TRAPPC9: variants seen among roughly 807,000 people sequenced by gnomAD.
TRAPPC9 encodes trafficking protein particle complex subunit 9, also known as IKK2 binding protein.
Under a neutral mutation model 124.0 loss-of-function variants are expected in TRAPPC9, and 83 were observed. That is an observed-to-expected ratio of 0.67 (90% CI 0.56 to 0.80). TRAPPC9 has a LOEUF of 0.80. Among genes scored for constraint, TRAPPC9 ranks in the 30% least tolerant of loss-of-function variants. TRAPPC9 has a pLI of 0.00. For synonymous variants in TRAPPC9, 638 were observed against 617.5 expected (o/e 1.03, Z -0.49); for missense variants, 1,302 against 1,508.3 (o/e 0.86, Z 2.27).
chr8:139,918,443 C>G (rs1353236028), intron 19 of TRAPPC9, among the ~76,000 whole-genome samples: 1 of 152,252 alleles, frequency 6.6e-6, no homozygotes, highest in African/African-American at 2.4e-5. Flanking sequence ...TATATCACTA[C>G]CCTCAGGTCA....
At chr8:139,854,836 G>A (rs1827702466) in intron 21 of TRAPPC9, among the ~76,000 whole-genome samples, 2 of 152,142 alleles carry the variant, frequency 1.3e-5, no homozygotes, top group Non-Finnish European at 2.9e-5. Context: ...AACAGGCACT[G>A]AGGCCAGCGC....
chr8:139,810,654 C>T (rs562778907), intron 21 of TRAPPC9, among the ~76,000 whole-genome samples: 1 of 152,262 alleles, frequency 6.6e-6, no homozygotes, highest in East Asian at 1.9e-4. Flanking sequence ...AGGACTTGGG[C>T]CAGGAAGCCT....
chr8:140,236,611 A>G (rs2131403456), intron 16 of TRAPPC9, among the ~76,000 whole-genome samples: 1 of 152,332 alleles, frequency 6.6e-6, no homozygotes, highest in South Asian at 2.1e-4. Context: ...ACTGTATGTA[A>G]GTTACACTTC....
chr8:139,750,621 G>T (rs1320274230), intron 21 of TRAPPC9, among the ~76,000 whole-genome samples: 1 of 152,178 alleles, frequency 6.6e-6, no homozygotes, highest in Non-Finnish European at 1.5e-5. Flanking sequence ...GCTGGCTTGT[G>T]GCCCCTGCTC....
intron 21 of TRAPPC9, among the ~76,000 whole-genome samples, chr8:139,779,202 A>G (rs867243428): frequency 6.6e-6 from 1 of 152,130 alleles, no homozygotes; most frequent in Non-Finnish European, 1.5e-5. Context: ...CAACATCTTT[A>G]AGTGCGGGGT....
At chr8:139,996,414 T>C (rs1838000917) in intron 18 of TRAPPC9, among the ~76,000 whole-genome samples, 1 of 150,018 alleles carries the variant, frequency 6.7e-6, no homozygotes, top group Admixed American at 6.6e-5. Context: ...GGGTTGGGGG[T>C]GGTGGGGGAA....
At chr8:140,253,463 A>G (rs1186809482) in intron 15 of TRAPPC9, among the ~76,000 whole-genome samples, 1 of 152,172 alleles carries the variant, frequency 6.6e-6, no homozygotes, top group African/African-American at 2.4e-5. Flanking sequence ...GAATCACTTG[A>G]GATCAGGAGT....
chr8:139,985,305 T>G (rs1193543830), intron 19 of TRAPPC9, among the ~76,000 whole-genome samples: 1 of 152,178 alleles, frequency 6.6e-6, no homozygotes, highest in Admixed American at 6.5e-5. Flanking sequence ...TTTATACTAG[T>G]GTCATAAGAC....
At chr8:139,904,542 G>A (rs760745163) in intron 20 of TRAPPC9, 3 of 152,276 alleles carry the variant, frequency 2.0e-5, no homozygotes, top group Non-Finnish European at 2.9e-5. Context: ...CCTTGCAGAT[G>A]TGATCTCAGT....
At chr8:139,756,641 A>C (rs2130296383) in intron 21 of TRAPPC9, among the ~76,000 whole-genome samples, 1 of 142,770 alleles carries the variant, frequency 7.0e-6, no homozygotes, top group African/African-American at 2.7e-5. Context: ...GGATGAGGAC[A>C]GCAGGTCGCA....
chr8:140,202,086 C>T (rs1215957498), intron 17 of TRAPPC9, among the ~76,000 whole-genome samples: 1 of 151,816 alleles, frequency 6.6e-6, no homozygotes, highest in African/African-American at 2.4e-5. Context: ...CTGCTCTAAG[C>T]CTCAGTTTCC....
intron 17 of TRAPPC9, among the ~76,000 whole-genome samples, chr8:140,150,525 A>T (rs563073305): frequency 6.6e-6 from 1 of 152,344 alleles, no homozygotes; most frequent in Non-Finnish European, 1.5e-5. Context: ...TAGATGAGGA[A>T]ACTGAAGCCC....
At chr8:140,199,339 A>C (rs1354831759) in intron 17 of TRAPPC9, among the ~76,000 whole-genome samples, 1 of 152,162 alleles carries the variant, frequency 6.6e-6, no homozygotes, top group Non-Finnish European at 1.5e-5. Flanking sequence ...ATCTGGATAC[A>C]TGTAAAGACA....
chr8:140,051,739 T>C (rs1410543298), intron 17 of TRAPPC9, among the ~76,000 whole-genome samples: 1 of 152,036 alleles, frequency 6.6e-6, no homozygotes, highest in Non-Finnish European at 1.5e-5. Context: ...GGACGGCTGC[T>C]CCCCCACGTA....
intron 17 of TRAPPC9, chr8:140,041,036 G>A (rs1184573951): frequency 6.6e-6 from 1 of 152,186 alleles, no homozygotes; most frequent in Non-Finnish European, 1.5e-5. Flanking sequence ...ATCCAGGTAT[G>A]AATGGTGGAC....
chr8:140,407,739 A>C (rs1464410442), intron 5 of TRAPPC9, among the ~76,000 whole-genome samples: 1 of 152,148 alleles, frequency 6.6e-6, no homozygotes, highest in Non-Finnish European at 1.5e-5. Flanking sequence ...CTCCTGCCTC[A>C]GCCTCCCAAG....
chr8:139,849,856 C>G (rs1827333741), intron 21 of TRAPPC9, among the ~76,000 whole-genome samples: 1 of 152,236 alleles, frequency 6.6e-6, no homozygotes, highest in Non-Finnish European at 1.5e-5. Context: ...GCCAGCATAC[C>G]TCACTTCGCC....
intron 19 of TRAPPC9, among the ~76,000 whole-genome samples, chr8:139,912,248 T>C (rs962138118): frequency 6.6e-6 from 1 of 152,250 alleles, no homozygotes; most frequent in African/African-American, 2.4e-5. Flanking sequence ...ATGTATCATA[T>C]ACACAAAGAA....
intron 17 of TRAPPC9, among the ~76,000 whole-genome samples, chr8:140,122,110 G>C (rs894976840): frequency 2.6e-5 from 4 of 151,376 alleles, no homozygotes; most frequent in African/African-American, 9.7e-5. Flanking sequence ...CAGTCATGCT[G>C]GGAAACTTCA....
Sources: allele counts gnomAD v4.1 joint callset (sites outside exome capture counted in the v4.1 genomes callset), GRCh38; gene constraint gnomAD v4.1.1; transcripts MANE v1.5; gene names NCBI Gene and HGNC (gene_info 2026-07-23, HGNC 2026-07-21).